Variants in ANXA8 observed in about 807,000 individuals in gnomAD.
ANXA8 encodes the protein VAC-beta.
Under a neutral mutation model 26.8 loss-of-function variants are expected in ANXA8, and 9 were observed. That is an observed-to-expected ratio of 0.34 (90% CI 0.20 to 0.59). ANXA8 has a LOEUF of 0.59. ANXA8 is among the 20% of genes least tolerant of loss of function. The pLI is 0.84. For missense variants in ANXA8, 83 were observed against 238.5 expected, an observed-to-expected ratio of 0.35 and a Z score of 4.29; for synonymous variants, 39 against 94.8, an observed-to-expected ratio of 0.41 and a Z score of 3.42.
At position 47,478,518 on chromosome 10, in the gene ANXA8, C is replaced by A; in HGVS notation, c.207+15G>T. 1 of 677,540 alleles carries A rather than the reference C, an allele frequency of 1.5e-6. No homozygotes were observed. Among genetic ancestry groups the A allele is most frequent in the Non-Finnish European group, 2.6e-6 (1 of 384,140 alleles). 42.0% of individuals were successfully genotyped at this position (677,540 alleles called of 1,614,324 possible). ...AAGGCTCACCTATCCCCACCCCCAC[C>A]AGCCTTCCCCTTGCCTTGCCGAACT... On this transcript the variant is annotated intron_variant, in intron 3 of 11. Transcript: ENST00000585281.
At chr10:47,493,474 T>C in the ANXA8 span, among the ~76,000 whole-genome samples, 2 of 148,240 alleles carry the variant, frequency 1.3e-5, no homozygotes, top group Non-Finnish European at 3.0e-5. Context: ...TGAGGCTGTG[T>C]GTCCCCCCAC....
the ANXA8 span, among the ~76,000 whole-genome samples, chr10:47,631,718 T>A: frequency 6.6e-6 from 1 of 150,518 alleles, no homozygotes; most frequent in African/African-American, 2.5e-5. Flanking sequence ...TAGTACCAAG[T>A]CATGGCAATT....
the ANXA8 span, among the ~76,000 whole-genome samples, chr10:47,558,756 C>T: frequency 3.3e-5 from 5 of 151,834 alleles, no homozygotes; most frequent in Admixed American, 6.6e-5. Context: ...CTCTTCCTTC[C>T]TCCCCCTAGT....
the ANXA8 span, chr10:47,753,143 G>A: frequency 1.0e-6 from 1 of 978,614 alleles, no homozygotes; most frequent in Non-Finnish European, 1.2e-6. Flanking sequence ...AGAAAAAGAA[G>A]GAAAAAAGAG....
chr10:47,526,092 G>T, the ANXA8 span, among the ~76,000 whole-genome samples: 8 of 134,460 alleles, frequency 5.9e-5, 2 homozygotes, highest in African/African-American at 2.0e-4. Flanking sequence ...ATTTTTAAAA[G>T]AATTTTTTTT....
chr10:47,632,433 T>C, the ANXA8 span, among the ~76,000 whole-genome samples: 2 of 148,644 alleles, frequency 1.3e-5, no homozygotes, highest in Admixed American at 1.3e-4. Flanking sequence ...AGAACCTAGA[T>C]CTCACTATGT....
the ANXA8 span, among the ~76,000 whole-genome samples, chr10:47,625,717 G>T: frequency 2.2e-4 from 34 of 152,060 alleles, no homozygotes; most frequent in Middle Eastern, 3.4e-3. Flanking sequence ...ACTATATTTT[G>T]TGTGTGTGGT....
At chr10:47,733,266 TC>T in the ANXA8 span, among the ~76,000 whole-genome samples, 2 of 112,366 alleles carry the variant, frequency 1.8e-5, no homozygotes, top group African/African-American at 7.2e-5. Context: ...TTTCTTTCTT[TC>T]TTTCTTTCTT....
the ANXA8 span, among the ~76,000 whole-genome samples, chr10:47,659,063 G>A: frequency 6.6e-6 from 1 of 151,682 alleles, no homozygotes; most frequent in Admixed American, 6.6e-5. Flanking sequence ...AGTAGAGATG[G>A]GGTTTCACCG....
chr10:47,681,151 G>A, the ANXA8 span, among the ~76,000 whole-genome samples: 12 of 151,286 alleles, frequency 7.9e-5, no homozygotes, highest in Non-Finnish European at 1.5e-4. Flanking sequence ...AGTAGCAGGT[G>A]GAGGTGGAGA....
chr10:47,986,681 A>G, the ANXA8 span: 1 of 360,362 alleles, frequency 2.8e-6, no homozygotes, highest in Non-Finnish European at 5.5e-6. Context: ...GTTCAACACA[A>G]CGCGTCACTC....
At chr10:47,571,937 C>T in the ANXA8 span, among the ~76,000 whole-genome samples, 1 of 145,196 alleles carries the variant, frequency 6.9e-6, no homozygotes, top group African/African-American at 2.7e-5. Context: ...TGCACCTGAC[C>T]AGTATTGCCA....
upstream of ANXA8, chr10:47,487,127 G>A: frequency 2.1e-6 from 3 of 1,417,474 alleles, no homozygotes; most frequent in East Asian, 5.0e-5. Flanking sequence ...ATACTTAAGT[G>A]TACACCATAA....
At chr10:47,670,666 G>A in the ANXA8 span, among the ~76,000 whole-genome samples, 1 of 151,850 alleles carries the variant, frequency 6.6e-6, no homozygotes, top group Non-Finnish European at 1.5e-5. Flanking sequence ...ATCTTCTTTG[G>A]AGAAATGTCT....
At chr10:47,955,270 A>C in the ANXA8 span, among the ~76,000 whole-genome samples, 1 of 137,318 alleles carries the variant, frequency 7.3e-6, no homozygotes, top group Non-Finnish European at 1.5e-5. Flanking sequence ...AAGTCCATTA[A>C]ATCTTTTTTT....
chr10:47,588,157 A>G, the ANXA8 span, among the ~76,000 whole-genome samples: 6 of 143,652 alleles, frequency 4.2e-5, 1 homozygote, highest in African/African-American at 5.9e-5. Context: ...AAGACTACTA[A>G]CAGGAACGAA....
the ANXA8 span, among the ~76,000 whole-genome samples, chr10:47,611,139 A>C: frequency 3.4e-5 from 1 of 29,070 alleles, no homozygotes; most frequent in East Asian, 5.1e-4. Flanking sequence ...TAATAAAGGA[A>C]TAAGAAGAAT....
chr10:47,673,383 A>T, the ANXA8 span, among the ~76,000 whole-genome samples: 3 of 151,468 alleles, frequency 2.0e-5, no homozygotes, highest in African/African-American at 7.3e-5. Context: ...AGAGCTAGAA[A>T]TAACTCTCAC....
chr10:47,676,517 T>C, the ANXA8 span, among the ~76,000 whole-genome samples: 3 of 151,860 alleles, frequency 2.0e-5, no homozygotes, highest in East Asian at 5.8e-4. Flanking sequence ...TTATGGCTAT[T>C]CCATGTTTTA....
Sources: allele counts gnomAD v4.1 joint callset (sites outside exome capture counted in the v4.1 genomes callset), GRCh38; gene constraint gnomAD v4.1.1; transcripts MANE v1.5; gene names NCBI Gene and HGNC (gene_info 2026-07-23, HGNC 2026-07-21).